Variants in MRTFA observed in about 807,000 individuals in gnomAD.
The protein encoded by MRTFA is myocardin related transcription factor A, also known as myocardin-related transcription factor A.
Under a neutral mutation model 83.5 loss-of-function variants are expected in MRTFA, and 20 were observed. The ratio of observed to expected loss-of-function variants is 0.24; its 90% CI spans 0.17 to 0.35. The LOEUF (loss-of-function observed/expected upper bound fraction) is 0.35, where lower values mean the gene tolerates loss of function less well. Among genes scored for constraint, MRTFA ranks in the 10% least tolerant of loss-of-function variants. MRTFA has a pLI of 1.00. For missense variants in MRTFA, 1,200 were observed against 1,224.7 expected (o/e 0.98, Z 0.30); for synonymous variants, 659 against 541.2 (o/e 1.22, Z -3.02).
chr22:40,604,980 G>A (rs1214637220), intron 1 of MRTFA, among the ~76,000 whole-genome samples: 1 of 152,138 alleles, frequency 6.6e-6, no homozygotes, highest in Admixed American at 6.6e-5. Flanking sequence ...AAGCTTCCCA[G>A]AGGAGTTACC....
At chr22:40,635,262 A>G (rs2147459345) in intron 1 of MRTFA, among the ~76,000 whole-genome samples, 1 of 152,268 alleles carries the variant, frequency 6.6e-6, no homozygotes, top group African/African-American at 2.4e-5. Context: ...CTGCTTTTCA[A>G]CAGTAAAACT....
chr22:40,576,763 G>A (rs1451615378), intron 2 of MRTFA, among the ~76,000 whole-genome samples: 3 of 152,140 alleles, frequency 2.0e-5, no homozygotes, highest in African/African-American at 7.2e-5. Context: ...TATACCTAAA[G>A]TAGTTTGTTT....
At chr22:40,596,437 C>T (rs976152403) in intron 1 of MRTFA, among the ~76,000 whole-genome samples, 1 of 152,078 alleles carries the variant, frequency 6.6e-6, no homozygotes, top group Non-Finnish European at 1.5e-5. Flanking sequence ...GCCAGCACTT[C>T]GGGAGGCCAG....
intron 6 of MRTFA, among the ~76,000 whole-genome samples, chr22:40,430,187 A>G (rs2053038962): frequency 6.6e-6 from 1 of 152,188 alleles, no homozygotes. Context: ...CCCCAAAAAC[A>G]GCTCAAAACT....
chr22:40,480,580 A>C (rs2054071648), intron 3 of MRTFA, among the ~76,000 whole-genome samples: 1 of 152,034 alleles, frequency 6.6e-6, no homozygotes. Context: ...AACTCTGGAG[A>C]CTGAAAACAA....
chr22:40,471,649 C>T (rs1414765899), intron 3 of MRTFA, among the ~76,000 whole-genome samples: 1 of 151,946 alleles, frequency 6.6e-6, no homozygotes, highest in African/African-American at 2.4e-5. Context: ...TTGGGAGGCC[C>T]AGGTAGGCGG....
Position 40,457,744 on chromosome 22 carries a change from T to C in MRTFA, c.307+5477A>G, listed in dbSNP as rs554867383. Among the ~76,000 whole-genome samples the C allele has an allele frequency of 3.3e-5, 5 of 152,276 alleles. No individual in the cohort carries two copies. In the South Asian group the frequency reaches 1.0e-3, roughly 32 times the overall value. On this transcript the variant is annotated intron_variant, in intron 4 of 14. Coordinates refer to ENST00000355630, the MANE Select transcript of MRTFA (RefSeq NM_020831.6). Reference sequence around the variant, plus strand: ...TTTCTACTACTGGCACATGGGAAAATAGTAAGTTGAGGGTTAACTGTAGCA... The same window carrying C: ...TTTCTACTACTGGCACATGGGAAAACAGTAAGTTGAGGGTTAACTGTAGCA...
chr22:40,423,188 C>T (rs888785344), intron 9 of MRTFA, among the ~76,000 whole-genome samples: 6 of 152,216 alleles, frequency 3.9e-5, no homozygotes, highest in Admixed American at 1.3e-4. Context: ...TGACTCTGGC[C>T]GCGTCACTTC....
At chr22:40,604,897 C>T (rs1005567037) in intron 1 of MRTFA, among the ~76,000 whole-genome samples, 1 of 152,204 alleles carries the variant, frequency 6.6e-6, no homozygotes, top group African/African-American at 2.4e-5. Flanking sequence ...CTGTTGTTGT[C>T]GTTGAATGAA....
chr22:40,459,824 T>TAC lies in MRTFA; in HGVS notation c.307+3396_307+3397insGT, dbSNP rs1251869771. 3.7e-3 allele frequency among the ~76,000 whole-genome samples: 209 copies of TAC among 56,378 alleles called. 1 individual carries two copies. The highest frequency in any genetic ancestry group is 0.013 in the African/African-American group (191 of 15,036). The allele number at this position is 56,378 out of a possible 152,430, so 37.0% of individuals were successfully genotyped here. A position where few individuals can be genotyped will look rare whatever the true frequency, so the allele number is the denominator to read the frequency against. ...ACACACACACACACACACACACACATATATACATATATATATATATATATA... is the reference window on the plus strand; with the variant it reads ...ACACACACACACACACACACACACATACATATACATATATATATATATATATA... On this transcript the variant is annotated intron_variant, in intron 4 of 14. Transcript: ENST00000355630.
rs774181016 is a variant in MRTFA at position 40,420,974 on chromosome 22, C to A, written c.1054G>T (p.Ala352Ser). The change falls in exon 10 of 15, where the codon GCA becomes TCA. Residue 352 changes from alanine to serine, a missense_variant. Coordinates refer to ENST00000355630, the MANE Select transcript of MRTFA (RefSeq NM_020831.6). The stretch of plus-strand genomic sequence containing the variant: ...GCGTAGGATGAGTCCATGGGGGGTG[C>A]CCCCCTGTCCTGCTTCTGGTCCGGG... 1 of 1,610,226 alleles carries A rather than the reference C, an allele frequency of 6.2e-7. No homozygotes were observed. Among genetic ancestry groups the A allele is most frequent in the Non-Finnish European group, 8.5e-7 (1 of 1,177,304 alleles).
rs549175344 is a variant in MRTFA at position 40,494,553 on chromosome 22, C to T, written c.242-31267G>A. Among the ~76,000 whole-genome samples the T allele has an allele frequency of 3.3e-5, 5 of 152,002 alleles. No homozygotes were observed. In the South Asian group the frequency reaches 1.0e-3, roughly 32 times the overall value. ...AAAATTAGCCAGGTATACTGGTGTG[C>T]ACCTGTAATCCCAGCTACTCAGGAG... is the stretch of plus-strand genomic sequence containing the variant. On this transcript the variant is annotated intron_variant, in intron 3 of 14. Coordinates refer to ENST00000355630, the MANE Select transcript of MRTFA (RefSeq NM_020831.6).
At chr22:40,442,855 C>G (rs2053303149) in intron 4 of MRTFA, among the ~76,000 whole-genome samples, 1 of 152,076 alleles carries the variant, frequency 6.6e-6, no homozygotes, top group African/African-American at 2.4e-5. Flanking sequence ...TATAAAAGAA[C>G]AAGGCAAGCT....
intron 3 of MRTFA, among the ~76,000 whole-genome samples, chr22:40,524,198 G>A (rs1346236350): frequency 6.6e-6 from 1 of 152,128 alleles, no homozygotes; most frequent in African/African-American, 2.4e-5. Context: ...AGGAATCTGT[G>A]GTGGGAGGAC....
chr22:40,618,177 C>T (rs2056477244), intron 1 of MRTFA, among the ~76,000 whole-genome samples: 1 of 151,614 alleles, frequency 6.6e-6, no homozygotes, highest in African/African-American at 2.4e-5. Flanking sequence ...TGGGTTCACG[C>T]CATTCTCCTG....
intron 3 of MRTFA, among the ~76,000 whole-genome samples, chr22:40,466,765 T>C (rs1602290974): frequency 1.3e-5 from 2 of 152,304 alleles, no homozygotes; most frequent in Admixed American, 6.5e-5. Context: ...CCTTCTTAAG[T>C]AAACCATATA....
intron 3 of MRTFA, among the ~76,000 whole-genome samples, chr22:40,480,161 G>A (rs555871409): frequency 6.6e-6 from 1 of 152,242 alleles, no homozygotes; most frequent in Admixed American, 6.5e-5. Flanking sequence ...CTTGCTCAAG[G>A]TCATAAAGTA....
intron 4 of MRTFA, among the ~76,000 whole-genome samples, chr22:40,460,207 G>C (rs1345694550): frequency 6.6e-6 from 1 of 152,078 alleles, no homozygotes; most frequent in Non-Finnish European, 1.5e-5. Context: ...TTATAGGTGT[G>C]AGTCACCGCG....
chr22:40,440,529 G>A (rs1164523147), intron 4 of MRTFA, among the ~76,000 whole-genome samples: 1 of 152,172 alleles, frequency 6.6e-6, no homozygotes, highest in Non-Finnish European at 1.5e-5. Context: ...CTTCTGCCAG[G>A]TGAAAGGAGG....
Sources: allele counts gnomAD v4.1 joint callset (sites outside exome capture counted in the v4.1 genomes callset), GRCh38; gene constraint gnomAD v4.1.1; transcripts MANE v1.5; gene names NCBI Gene and HGNC (gene_info 2026-07-23, HGNC 2026-07-21).